Variants in CAMK1G observed in about 807,000 individuals in gnomAD.
The protein encoded by CAMK1G is calcium/calmodulin-dependent protein kinase type 1G.
Under a neutral mutation model 54.8 loss-of-function variants are expected in CAMK1G, and 27 were observed. That is an observed-to-expected ratio of 0.49 (90% confidence interval 0.36 to 0.68). The LOEUF (loss-of-function observed/expected upper bound fraction) is 0.68. Among genes scored for constraint, CAMK1G ranks in the 30% least tolerant of loss-of-function variants. The pLI, the probability that CAMK1G is intolerant of heterozygous loss-of-function variation, is 0.00. For synonymous variants in CAMK1G, 238 were observed against 224.9 expected, an observed-to-expected ratio of 1.06 and a Z score of -0.52; for missense variants, 512 against 591.0, an observed-to-expected ratio of 0.87 and a Z score of 1.39.
chr1:209,588,588 G>C (rs1036712428), intron 1 of CAMK1G, among the ~76,000 whole-genome samples: 3 of 152,206 alleles, frequency 2.0e-5, no homozygotes, highest in African/African-American at 4.8e-5. Flanking sequence ...AGGCCACATG[G>C]AGAGTGGGGC....
chr1:209,585,334 C>T (rs1665069513), intron 1 of CAMK1G, among the ~76,000 whole-genome samples: 1 of 152,066 alleles, frequency 6.6e-6, no homozygotes, highest in Non-Finnish European at 1.5e-5. Flanking sequence ...CCATGTGTTC[C>T]CAGGGTAATC....
rs541677675 is a variant in CAMK1G at position 209,600,062 on chromosome 1, C to T, written c.172C>T (p.Pro58Ser). The T allele has an allele frequency of 6.2e-7, 1 of 1,613,988 alleles. No individual in the cohort carries two copies. Among genetic ancestry groups the T allele is most frequent in the Non-Finnish European group, 8.5e-7 (1 of 1,179,884 alleles). The change falls in exon 3 of 13, where the codon CCT becomes TCT. Residue 58 changes from proline to serine, a missense_variant. Around this residue, in one of 3 missense-constraint regions of CAMK1G, gnomAD observed 186 missense variants for 231.5 expected, o/e 0.80. Transcript: ENST00000361322. Reference sequence around the variant, plus strand: ...TGCTCTGAAGTGCATCAAGAAGTCACCTGCCTTCCGGGACAGCAGCCTGGA... The same window carrying T: ...TGCTCTGAAGTGCATCAAGAAGTCATCTGCCTTCCGGGACAGCAGCCTGGA... Reference protein sequence around the residue: ...LFALKCIKKSPAFRDSSLENE... With the variant: ...LFALKCIKKSSAFRDSSLENE...
rs150152111 is a variant in CAMK1G, at chr1:209,592,898, C to T, written c.-29-2057C>T. Among the ~76,000 whole-genome samples, 59 of 152,254 alleles carry T rather than the reference C, an allele frequency of 3.9e-4. No individual in the cohort carries two copies. In the East Asian group the frequency reaches 9.5e-3, roughly 24 times the overall value. ...CCATGAAACCTATTTTACCACGAGT[C>T]CTCCAGATGTGGATTATCAGGAATG... On this transcript the variant is annotated intron_variant, in intron 1 of 12. Coordinates refer to ENST00000361322, the MANE Select transcript of CAMK1G (RefSeq NM_020439.3).
At chr1:209,607,054 T>C (rs560300016) in intron 6 of CAMK1G, among the ~76,000 whole-genome samples, 1 of 152,192 alleles carries the variant, frequency 6.6e-6, no homozygotes, top group African/African-American at 2.4e-5. Flanking sequence ...GGAGACAAAG[T>C]TGAAACTCAG....
intron 3 of CAMK1G, among the ~76,000 whole-genome samples, chr1:209,602,649 A>T (rs1011968013): frequency 1.3e-5 from 2 of 152,226 alleles, no homozygotes; most frequent in African/African-American, 4.8e-5. Context: ...GCACAAAATT[A>T]TTTTTTAAAT....
chr1:209,584,734 G>C (rs1665051819), intron 1 of CAMK1G, among the ~76,000 whole-genome samples: 2 of 152,136 alleles, frequency 1.3e-5, no homozygotes, highest in African/African-American at 4.8e-5. Context: ...AGGGTCAAGA[G>C]AGTCAAGCAG....
chr1:209,594,827 TTTGCTCCTAATCCTTCCTTC>T, intron 1 of CAMK1G, 108 bp from the exon 2 acceptor site: 1 of 592,980 alleles, frequency 1.7e-6, no homozygotes, highest in South Asian at 2.2e-5. Flanking sequence ...GTTATCCAGG[TTTGCTCCTAATCCTTCCTTC>T]TGATAATTAC....
In CAMK1G at chr1:209,609,016, G is replaced by A. The variant is rs1332893135; in HGVS notation, c.672G>A (p.Glu224=). Residue 224 remains glutamate, a synonymous_variant, in exon 8 of 13, where the codon GAG becomes GAA. Coordinates refer to ENST00000361322, the MANE Select transcript of CAMK1G (RefSeq NM_020439.3). ...CGYPPFYEET[E]SKLFEKIKEG... Reference sequence around the variant, plus strand: ...ACCCCCCATTCTATGAAGAAACGGAGTCTAAGCTTTTCGAGAAGATCAAGG... The same window carrying A: ...ACCCCCCATTCTATGAAGAAACGGAATCTAAGCTTTTCGAGAAGATCAAGG... 7 of 1,614,068 alleles carry A rather than the reference G, an allele frequency of 4.3e-6. No individual in the cohort carries two copies. Among genetic ancestry groups the A allele is most frequent in the African/African-American group, 1.3e-5 (1 of 74,924 alleles).
chr1:209,591,334 C>A (rs1038217573), intron 1 of CAMK1G, among the ~76,000 whole-genome samples: 1 of 152,200 alleles, frequency 6.6e-6, no homozygotes, highest in Non-Finnish European at 1.5e-5. Context: ...CTAGGTCAAT[C>A]ATGAAGGAGT....
intron 6 of CAMK1G, 142 bp from the exon 7 acceptor site, chr1:209,607,716 C>G: frequency 1.5e-6 from 1 of 657,672 alleles, no homozygotes; most frequent in South Asian, 1.8e-5. Flanking sequence ...CAGCCCCTAC[C>G]CTTAGGGAGT....
chr1:209,584,906 A>G (rs1181916579), intron 1 of CAMK1G, among the ~76,000 whole-genome samples: 1 of 152,148 alleles, frequency 6.6e-6, no homozygotes, highest in East Asian at 1.9e-4. Flanking sequence ...TGATATGGGG[A>G]CCACACTTTA....
At chr1:209,606,195 G>A in intron 5 of CAMK1G, 125 bp from the exon 6 acceptor site, 3 of 1,217,488 alleles carry the variant, frequency 2.5e-6, no homozygotes, top group Admixed American at 2.0e-5. Flanking sequence ...AAGAATGGGG[G>A]AGGATGAGCT....
intron 2 of CAMK1G, among the ~76,000 whole-genome samples, chr1:209,598,609 T>C (rs1044079208): frequency 5.9e-5 from 9 of 152,194 alleles, no homozygotes; most frequent in African/African-American, 2.2e-4. Context: ...TGGTGGCATC[T>C]TTTTCTTCCA....
intron 10 of CAMK1G, 103 bp downstream of exon 10, chr1:209,611,655 A>T: frequency 1.4e-6 from 2 of 1,471,214 alleles, no homozygotes; most frequent in Non-Finnish European, 1.9e-6. Flanking sequence ...CCCAGAAGGC[A>T]TTGGAGCTCC....
intron 1 of CAMK1G, among the ~76,000 whole-genome samples, chr1:209,586,464 C>T (rs1665103956): frequency 3.9e-5 from 6 of 152,154 alleles, no homozygotes; most frequent in Admixed American, 3.9e-4. Flanking sequence ...TTTAGAAACA[C>T]AGTGAGATGA....
intron 1 of CAMK1G, among the ~76,000 whole-genome samples, chr1:209,585,863 C>A (rs1431484776): frequency 1.3e-5 from 2 of 152,254 alleles, no homozygotes; most frequent in African/African-American, 4.8e-5. Context: ...ATGAGGGGAG[C>A]GGCTGAGTCT....
At chr1:209,593,775 G>T (rs1665314616) in intron 1 of CAMK1G, among the ~76,000 whole-genome samples, 1 of 96,866 alleles carries the variant, frequency 1.0e-5, no homozygotes, top group Non-Finnish European at 2.7e-5. Context: ...TCCCTTCACA[G>T]ATCAGCCAGA....
chr1:209,601,452 A>T (rs187966661), intron 3 of CAMK1G, among the ~76,000 whole-genome samples: 1 of 152,188 alleles, frequency 6.6e-6, no homozygotes, highest in Non-Finnish European at 1.5e-5. Flanking sequence ...ATAGAAAGAA[A>T]TTGGTTGGAA....
chr1:209,596,585 C>T (rs570217688), intron 2 of CAMK1G, among the ~76,000 whole-genome samples: 10 of 151,404 alleles, frequency 6.6e-5, no homozygotes, highest in East Asian at 5.9e-4. Context: ...ATAAAATGAA[C>T]GTCAGTATAC....
Sources: gnomAD v4.1 joint callset for allele counts (sites outside exome capture counted in the v4.1 genomes callset) on GRCh38, gnomAD v4.1.1 for gene constraint, gnomAD v4.1.1 regional missense constraint, MANE v1.5 for transcripts, NCBI Gene and HGNC (gene_info 2026-07-23, HGNC 2026-07-21) for gene names.